RGPD4: variants seen among roughly 807,000 people sequenced by gnomAD.
The protein encoded by RGPD4 is RANBP2 like and GRIP domain containing 4, also known as ranBP2-like and GRIP domain-containing protein 4.
Under a neutral mutation model 141.1 loss-of-function variants are expected in RGPD4, and 84 were observed. The ratio of observed to expected loss-of-function variants is 0.60; its 90% CI spans 0.50 to 0.71. The LOEUF (loss-of-function observed/expected upper bound fraction) is 0.71. RGPD4 is among the 30% of genes least tolerant of loss of function. The pLI is 0.00. For synonymous variants in RGPD4, 298 were observed against 566.8 expected, an observed-to-expected ratio of 0.53 and a Z score of 6.74; for missense variants, 918 against 1,622.4, an observed-to-expected ratio of 0.57 and a Z score of 7.46.
At position 107,831,615 on chromosome 2, in the gene RGPD4, G is replaced by T. The variant is rs1249062202; in HGVS notation, c.72+4530G>T. On this transcript the variant is annotated intron_variant, in intron 1 of 22. Coordinates refer to ENST00000408999, the MANE Select transcript of RGPD4 (RefSeq NM_182588.3). ...TTTTGAGACGGAGTCTCGCTCTATC[G>T]TCCAGGCTGGAGTGTAGTGGCGCGA... Among the ~76,000 whole-genome samples, 103 of 97,630 alleles carry T rather than the reference G, an allele frequency of 1.1e-3. 1 individual carries two copies. Among genetic ancestry groups the T allele is most frequent in the Non-Finnish European group, 1.5e-3 (81 of 55,168 alleles). 64.0% of individuals were successfully genotyped at this position (97,630 alleles called of 152,430 possible).
intron 22 of RGPD4, among the ~76,000 whole-genome samples, chr2:107,889,290 AATT>A (rs1675588186): frequency 1.8e-5 from 2 of 108,696 alleles, no homozygotes; most frequent in Non-Finnish European, 3.6e-5. Flanking sequence ...GTGGTATATG[AATT>A]ATATCTCCAA....
chr2:107,854,813 T>C (rs1682250896), intron 8 of RGPD4, among the ~76,000 whole-genome samples, 170 bp downstream of exon 8: 1 of 151,978 alleles, frequency 6.6e-6, no homozygotes, highest in African/African-American at 2.4e-5. Flanking sequence ...AAATAGCACA[T>C]TCTTTTAAAA....
In RGPD4 at chr2:107,847,955, A is replaced by G. The variant is rs1453483029; in HGVS notation, c.783-386A>G. Among the ~76,000 whole-genome samples the G allele has an allele frequency of 2.1e-5, 3 of 140,096 alleles. No homozygotes were observed. The East Asian group carries it at 6.3e-4, about 29-fold the overall frequency. 91.9% of individuals were successfully genotyped at this position (140,096 alleles called of 152,430 possible). On this transcript the variant is annotated intron_variant, in intron 6 of 22. Transcript: ENST00000408999. The stretch of plus-strand genomic sequence containing the variant: ...TTATAATTTGGAAATGCTATGTCTA[A>G]TTTGAGAAATTACAACTGTTAATTA...
intron 20 of RGPD4, among the ~76,000 whole-genome samples, chr2:107,874,514 G>T (rs4012370): frequency 1.5e-5 from 2 of 132,756 alleles, no homozygotes; most frequent in South Asian, 2.6e-4. Context: ...TTTTTTTTAA[G>T]TATACCAGTT....
At position 107,883,282 on chromosome 2, in the gene RGPD4, G is replaced by T. The variant is rs546586295; in HGVS notation, c.5266+409G>T. 1.2e-3 allele frequency: 479 copies of T among 401,252 alleles called. 8 individuals carry two copies. The highest frequency in any genetic ancestry group is 9.5e-3 in the African/African-American group (451 of 47,480). The allele number at this position is 401,252 out of a possible 1,614,324, so 24.9% of individuals were successfully genotyped here. A position where few individuals can be genotyped will look rare whatever the true frequency, so the allele number is the denominator to read the frequency against. ...TAGCCTAAGACAATGGAGTCATATAGCCCAACACTTGGTCTATATACAGCA... is the reference window on the plus strand; with the variant it reads ...TAGCCTAAGACAATGGAGTCATATATCCCAACACTTGGTCTATATACAGCA... On this transcript the variant is annotated intron_variant, in intron 22 of 22. Transcript: ENST00000408999.
chr2:107,827,331 C>T (rs369722701), intron 1 of RGPD4, among the ~76,000 whole-genome samples: 29 of 23,430 alleles, frequency 1.2e-3, no homozygotes, highest in Non-Finnish European at 2.8e-3. Flanking sequence ...CGACCCGGCC[C>T]GGCGGCGGCC....
intron 1 of RGPD4, among the ~76,000 whole-genome samples, chr2:107,833,874 G>A (rs1244013684): frequency 1.0e-3 from 158 of 152,084 alleles, no homozygotes; most frequent in African/African-American, 3.4e-3. Flanking sequence ...CATCTCTACT[G>A]AAAATACAAA....
At chr2:107,831,053 T>G (rs1681467101) in intron 1 of RGPD4, among the ~76,000 whole-genome samples, 1 of 139,362 alleles carries the variant, frequency 7.2e-6, no homozygotes, top group Non-Finnish European at 1.6e-5. Flanking sequence ...TGGCAGCGCC[T>G]GTAGTCCCAC....
At chr2:107,874,883 G>C (rs1189970713) in intron 20 of RGPD4, among the ~76,000 whole-genome samples, 1 of 151,106 alleles carries the variant, frequency 6.6e-6, no homozygotes. Flanking sequence ...CTCCTAGCTA[G>C]GAAATGATAC....
At chr2:107,852,253 A>T (rs1394514014) in intron 7 of RGPD4, among the ~76,000 whole-genome samples, 3 of 69,884 alleles carry the variant, frequency 4.3e-5, no homozygotes, top group African/African-American at 1.0e-4. Context: ...TCCATCTCAA[A>T]AAAAAAAAAA....
At chr2:107,885,561 T>C (rs937738811) in intron 22 of RGPD4, among the ~76,000 whole-genome samples, 2 of 152,140 alleles carry the variant, frequency 1.3e-5, no homozygotes, top group Non-Finnish European at 2.9e-5. Context: ...GAGATACACA[T>C]TGGAAACCCA....
intron 22 of RGPD4, 73 bp downstream of exon 22, chr2:107,882,946 C>T: frequency 1.2e-6 from 1 of 865,666 alleles, no homozygotes; most frequent in Non-Finnish European, 1.8e-6. Flanking sequence ...GAGAAGTTGT[C>T]TGTATGTGTA....
At position 107,882,686 on chromosome 2, in the gene RGPD4, A is replaced by T. The variant is rs1224588956; in HGVS notation, c.5079A>T (p.Glu1693Asp). Residue 1693 changes from glutamate (E) to aspartate (D), a missense_variant, in exon 22 of 23, where the codon GAA becomes GAT. By Grantham distance (45) the Glu-to-Asp change is conservative. Coordinates refer to ENST00000408999, the MANE Select transcript of RGPD4 (RefSeq NM_182588.3). ...LMEQIKLLKSEIRRLERNQEQ... is the reference protein window; with the variant it reads ...LMEQIKLLKSDIRRLERNQEQ... The stretch of plus-strand genomic sequence containing the variant: ...TCTAACACCAGCTTCTCAAAAGTGA[A>T]ATAAGAAGATTGGAAAGGAATCAAG... 6 of 1,611,298 alleles carry T rather than the reference A, an allele frequency of 3.7e-6. No homozygotes were observed. Among genetic ancestry groups the T allele is most frequent in the Non-Finnish European group, 5.1e-6 (6 of 1,179,842 alleles).
rs889092683 is a variant in RGPD4 at position 107,885,939 on chromosome 2, G to A, written c.5266+3066G>A. Among the ~76,000 whole-genome samples, 624 of 151,602 alleles carry A rather than the reference G, an allele frequency of 4.1e-3. 2 individuals carry two copies. The highest frequency in any genetic ancestry group is 0.015 in the African/African-American group (612 of 41,348). On this transcript the variant is annotated intron_variant, in intron 22 of 22. Coordinates refer to ENST00000408999, the MANE Select transcript of RGPD4 (RefSeq NM_182588.3). ...GTGGTGGTGCATGCCTGTAATCCCA[G>A]CTACTTGGGAGGCTGAGGTAGGAGA...
chr2:107,846,143 G>A (rs1420137911), intron 6 of RGPD4, among the ~76,000 whole-genome samples: 2 of 146,722 alleles, frequency 1.4e-5, no homozygotes, highest in African/African-American at 5.2e-5. Flanking sequence ...AGCCAGGATG[G>A]TCTTGATATC....
intron 20 of RGPD4, among the ~76,000 whole-genome samples, chr2:107,874,183 G>A (rs1372284216): frequency 2.0e-5 from 3 of 151,508 alleles, no homozygotes; most frequent in African/African-American, 7.3e-5. Flanking sequence ...ACTAACGTCT[G>A]CCAGTATTCA....
At chr2:107,885,556 A>G (rs1046481003) in intron 22 of RGPD4, among the ~76,000 whole-genome samples, 9 of 152,202 alleles carry the variant, frequency 5.9e-5, no homozygotes, top group African/African-American at 2.2e-4. Flanking sequence ...TAGAGGAGAT[A>G]CACATTGGAA....
Position 107,872,044 on chromosome 2 carries a change from T to C in RGPD4, c.4040T>C (p.Val1347Ala). The C allele has an allele frequency of 1.2e-6, 2 of 1,611,464 alleles. No individual in the cohort carries two copies. Among genetic ancestry groups the C allele is most frequent in the South Asian group, 2.2e-5 (2 of 90,988 alleles). ...GTTCCTTTACCTGATCTAGTTGAAG[T>C]ATCCAGTGGTGAGGAAAATGAAAAA... ...PVVPLPDLVE[V>A]SSGEENEKVV... The change falls in exon 20 of 23, where the codon GTA (valine) becomes GCA (alanine). Residue 1347 changes from valine to alanine, a missense_variant. Physicochemically the swap from Val to Ala is moderately conservative, Grantham distance 64. Transcript: ENST00000408999.
At chr2:107,834,139 G>A (rs1336444350) in intron 1 of RGPD4, among the ~76,000 whole-genome samples, 1 of 151,762 alleles carries the variant, frequency 6.6e-6, no homozygotes, top group Non-Finnish European at 1.5e-5. Flanking sequence ...TGCCAGAGCT[G>A]GGATTGCAGG....
Sources: allele counts gnomAD v4.1 joint callset (sites outside exome capture counted in the v4.1 genomes callset), GRCh38; gene constraint gnomAD v4.1.1; transcripts MANE v1.5; gene names NCBI Gene and HGNC (gene_info 2026-07-23, HGNC 2026-07-21).